IMMP2L: variants seen among roughly 807,000 people sequenced by gnomAD.
IMMP2L encodes mitochondrial inner membrane protease subunit 2.
IMMP2L carries 18 observed loss-of-function variants against 19.3 expected under a neutral mutation model. The ratio of observed to expected loss-of-function variants is 0.93; its 90% CI spans 0.64 to 1.38. The LOEUF is 1.38. Among genes scored for constraint, IMMP2L ranks in the 40% most tolerant of loss-of-function variants. The pLI, the probability that IMMP2L is intolerant of heterozygous loss-of-function variation, is 0.00. For synonymous variants in IMMP2L, 76 were observed against 73.0 expected, an observed-to-expected ratio of 1.04 and a Z score of -0.21; for missense variants, 233 against 218.2, an observed-to-expected ratio of 1.07 and a Z score of -0.43.
chr7:110,894,818 G>T (rs1396018792), intron 4 of IMMP2L, among the ~76,000 whole-genome samples: 1 of 151,900 alleles, frequency 6.6e-6, no homozygotes, highest in Non-Finnish European at 1.5e-5. Flanking sequence ...TCTTCGTCTG[G>T]TTTTATACTT....
At chr7:110,951,561 G>A (rs1352169399) in intron 4 of IMMP2L, among the ~76,000 whole-genome samples, 1 of 141,596 alleles carries the variant, frequency 7.1e-6, no homozygotes, top group Admixed American at 7.2e-5. Context: ...GTGTGTGTGT[G>A]TATGTGTGTG....
At position 110,902,868 on chromosome 7, in the gene IMMP2L, C is replaced by T. The variant is rs1205617546; in HGVS notation, c.306-16173G>A. On this transcript the variant is annotated intron_variant, in intron 4 of 5. Transcript: ENST00000405709. Reference sequence around the variant, plus strand: ...AATGGCGTGAACCCGGGAGGCGGAGCATGCAGTGAGCCGAGATTGCGCCAC... The same window carrying T: ...AATGGCGTGAACCCGGGAGGCGGAGTATGCAGTGAGCCGAGATTGCGCCAC... 5.6e-5 allele frequency among the ~76,000 whole-genome samples: 2 copies of T among 35,680 alleles called. 1 individual carries two copies. Among genetic ancestry groups the T allele is most frequent in the Non-Finnish European group, 8.9e-5 (2 of 22,594 alleles). 23.4% of individuals were successfully genotyped at this position (35,680 alleles called of 152,430 possible). A position where few individuals can be genotyped will look rare whatever the true frequency, so the allele number is the denominator to read the frequency against.
At chr7:110,892,035 C>T (rs1170659772) in intron 4 of IMMP2L, among the ~76,000 whole-genome samples, 1 of 152,100 alleles carries the variant, frequency 6.6e-6, no homozygotes, top group Non-Finnish European at 1.5e-5. Flanking sequence ...AAATACGGCA[C>T]TTTGATGTGC....
intron 4 of IMMP2L, among the ~76,000 whole-genome samples, chr7:110,902,305 G>A (rs1811956563): frequency 6.6e-6 from 1 of 151,302 alleles, no homozygotes; most frequent in East Asian, 1.9e-4. Flanking sequence ...ATAAGTGACA[G>A]TAAATTAGGT....
chr7:111,254,426 T>C (rs990640442), intron 3 of IMMP2L, among the ~76,000 whole-genome samples: 6 of 152,182 alleles, frequency 3.9e-5, no homozygotes, highest in African/African-American at 1.4e-4. Flanking sequence ...CAATCTCTCA[T>C]CTGTTAAACA....
intron 3 of IMMP2L, among the ~76,000 whole-genome samples, chr7:111,369,139 T>A (rs1267269186): frequency 6.6e-6 from 1 of 151,860 alleles, no homozygotes; most frequent in Non-Finnish European, 1.5e-5. Context: ...AGTTTTTCAA[T>A]GACAAACAGG....
At chr7:111,177,101 T>A (rs1807156305) in intron 3 of IMMP2L, among the ~76,000 whole-genome samples, 1 of 152,062 alleles carries the variant, frequency 6.6e-6, no homozygotes. Context: ...AACAAAATGG[T>A]CAAAAAAAGT....
intron 3 of IMMP2L, among the ~76,000 whole-genome samples, chr7:110,991,115 TA>T (rs1822405833): frequency 2.0e-5 from 3 of 152,160 alleles, no homozygotes; most frequent in Admixed American, 1.3e-4. Flanking sequence ...CCACATCATT[TA>T]GGATGATCAA....
intron 3 of IMMP2L, among the ~76,000 whole-genome samples, chr7:111,168,433 G>A (rs1806070983): frequency 6.6e-6 from 1 of 151,842 alleles, no homozygotes; most frequent in Non-Finnish European, 1.5e-5. Flanking sequence ...ATGTGAGCCA[G>A]TCTTATAAGT....
At chr7:110,822,238 C>T (rs553302370) in intron 5 of IMMP2L, among the ~76,000 whole-genome samples, 1 of 152,214 alleles carries the variant, frequency 6.6e-6, no homozygotes, top group South Asian at 2.1e-4. Flanking sequence ...ACATTGTCAA[C>T]TCATTCTATA....
chr7:110,983,777 A>G (rs1378056842), intron 3 of IMMP2L, among the ~76,000 whole-genome samples: 1 of 151,988 alleles, frequency 6.6e-6, no homozygotes, highest in South Asian at 2.1e-4. Flanking sequence ...TCCTCTGTCC[A>G]CATACATTCA....
chr7:111,257,091 C>T (rs1028163229), intron 3 of IMMP2L, among the ~76,000 whole-genome samples: 3 of 151,970 alleles, frequency 2.0e-5, no homozygotes, highest in African/African-American at 4.8e-5. Context: ...TATAATCTAA[C>T]CAGAAGATAA....
rs144204009 is a variant in IMMP2L at position 110,833,166 on chromosome 7, C to T, written c.408+53427G>A. Among the ~76,000 whole-genome samples the T allele has an allele frequency of 7.9e-5, 12 of 152,176 alleles. No individual in the cohort carries two copies. In the East Asian group the frequency reaches 2.1e-3, roughly 27 times the overall value. On this transcript the variant is annotated intron_variant, in intron 5 of 5. Transcript: ENST00000405709. ...AGAGTTTTAATCATGAGGTCGGGCA[C>T]GGTGGCTCATGCCTGTAATCCCAGC...
chr7:111,357,832 A>T (rs1828867757), intron 3 of IMMP2L, among the ~76,000 whole-genome samples: 1 of 151,978 alleles, frequency 6.6e-6, no homozygotes, highest in East Asian at 1.9e-4. Context: ...ACTTTTAACC[A>T]TGTGGGGCAT....
chr7:111,356,737 CAT>C (rs1452275835), intron 3 of IMMP2L, among the ~76,000 whole-genome samples: 1 of 151,982 alleles, frequency 6.6e-6, no homozygotes, highest in African/African-American at 2.4e-5. Flanking sequence ...ATTTTAAAAG[CAT>C]ATATAGGCTG....
intron 3 of IMMP2L, among the ~76,000 whole-genome samples, chr7:110,974,022 T>A (rs1820434940): frequency 6.6e-6 from 1 of 152,062 alleles, no homozygotes; most frequent in African/African-American, 2.4e-5. Context: ...GCTTAATAAG[T>A]CTCTCCCAGA....
chr7:110,850,282 T>A (rs552255089), intron 5 of IMMP2L, among the ~76,000 whole-genome samples: 4 of 152,066 alleles, frequency 2.6e-5, no homozygotes, highest in African/African-American at 9.7e-5. Context: ...TCATTGCTCA[T>A]TGGCATAAGA....
chr7:111,292,245 A>G (rs1183760134), intron 3 of IMMP2L, among the ~76,000 whole-genome samples: 2 of 152,102 alleles, frequency 1.3e-5, no homozygotes, highest in African/African-American at 4.8e-5. Flanking sequence ...CTTTCATCAC[A>G]TAGCAGATTT....
chr7:111,109,177 G>A (rs2129582487), intron 3 of IMMP2L, among the ~76,000 whole-genome samples: 1 of 152,132 alleles, frequency 6.6e-6, no homozygotes, highest in Admixed American at 6.5e-5. Flanking sequence ...CAAACATCTA[G>A]AATGTGTAAA....
Sources: allele counts gnomAD v4.1 joint callset (sites outside exome capture counted in the v4.1 genomes callset), GRCh38; gene constraint gnomAD v4.1.1; transcripts MANE v1.5; gene names NCBI Gene and HGNC (gene_info 2026-07-23, HGNC 2026-07-21).